The following TTPA variants were observed in gnomAD, a reference collection of about 807,000 sequenced individuals.
TTPA encodes the protein alpha tocopherol transfer protein, also known as alpha-tocopherol transfer protein.
A neutral mutation model predicts 25.9 loss-of-function variants in TTPA; 23 were observed. That is an observed-to-expected ratio of 0.89 (90% confidence interval 0.64 to 1.26). TTPA has a LOEUF of 1.26. Among genes scored for constraint, TTPA ranks in the 50% most tolerant of loss-of-function variants. The pLI is 0.00. For synonymous variants in TTPA, 148 were observed against 137.3 expected (o/e 1.08, Z -0.54); for missense variants, 337 against 353.1 (o/e 0.95, Z 0.37).
chr8:63,065,185 G>GTA (rs1427647280), intron 3 of TTPA, among the ~76,000 whole-genome samples: 2 of 152,076 alleles, frequency 1.3e-5, no homozygotes, highest in African/African-American at 4.8e-5. Context: ...CTGTCTTTGT[G>GTA]TATAGGAGAA....
At chr8:63,059,102 G>A (rs1805254546), downstream of TTPA, among the ~76,000 whole-genome samples, 1 of 127,924 alleles carries the variant, frequency 7.8e-6, no homozygotes, top group Non-Finnish European at 1.6e-5. Flanking sequence ...CGGGATCTCG[G>A]CTCACTGCAA....
In TTPA at chr8:63,085,829, G is replaced by C. The variant is rs535442955; in HGVS notation, c.193C>G (p.Leu65Val). 28 of 1,536,570 alleles carry C rather than the reference G, an allele frequency of 1.8e-5. No homozygotes were observed. Among genetic ancestry groups the C allele is most frequent in the Non-Finnish European group, 2.3e-5 (26 of 1,145,534 alleles). Residue 65 changes from leucine to valine, a missense_variant, in exon 1 of 5, where the codon CTG (leucine) becomes GTG (valine). Physicochemically the swap from Leu to Val is conservative, Grantham distance 32. Coordinates refer to ENST00000260116, the MANE Select transcript of TTPA (RefSeq NM_000370.3). The stretch of plus-strand genomic sequence containing the variant: ...GCACGCACGCTTACCCGCCAGGCCA[G>C]GTCCAGATCGAAATCCCGGGCGCGC... ...FLRARDFDLD[L>V]AWRLLKNYYK...
chr8:63,068,584 A>C (rs1220361184), intron 2 of TTPA, among the ~76,000 whole-genome samples: 1 of 152,230 alleles, frequency 6.6e-6, no homozygotes, highest in African/African-American at 2.4e-5. Context: ...GATGGTGGAC[A>C]TCACTAACAA....
chr8:63,059,498 A>G lies in TTPA; in HGVS notation c.*1754T>C, dbSNP rs1805267826. Among the ~76,000 whole-genome samples the G allele has an allele frequency of 6.6e-6, 1 of 152,178 alleles. No individual in the cohort carries two copies. Among genetic ancestry groups the G allele is most frequent in the Non-Finnish European group, 1.5e-5 (1 of 68,026 alleles). On this transcript the variant is annotated 3_prime_UTR_variant, in exon 5 of 5. Transcript: ENST00000260116. ...CCTGATTAAACTAATTTTCTTATAA[A>G]GAAAAACACCCTTCACATATCCTTA...
At chr8:63,071,350 T>C (rs1295072637) in intron 2 of TTPA, among the ~76,000 whole-genome samples, 1 of 152,224 alleles carries the variant, frequency 6.6e-6, no homozygotes. Flanking sequence ...AGGTATCTTA[T>C]CTATAAGCAG....
At chr8:63,062,816 T>C (rs1028600568) in intron 4 of TTPA, among the ~76,000 whole-genome samples, 21 of 152,208 alleles carry the variant, frequency 1.4e-4, no homozygotes, top group Admixed American at 4.6e-4. Context: ...AAAATAGAAA[T>C]AGTTATTTTT....
chr8:63,064,575 G>C (rs569096295), intron 3 of TTPA, among the ~76,000 whole-genome samples: 1 of 152,174 alleles, frequency 6.6e-6, no homozygotes. Flanking sequence ...ACTTTCACCA[G>C]AAAATTCCTT....
At chr8:63,061,525 G>C in intron 4 of TTPA, 100 bp from the exon 5 acceptor site, 1 of 1,057,164 alleles carries the variant, frequency 9.5e-7, no homozygotes, top group Non-Finnish European at 1.4e-6. Context: ...TTCTAAAATG[G>C]AGTGTATAAA....
intron 3 of TTPA, among the ~76,000 whole-genome samples, chr8:63,064,927 T>C (rs1187506251): frequency 6.6e-6 from 1 of 152,198 alleles, no homozygotes; most frequent in Non-Finnish European, 1.5e-5. Flanking sequence ...TATTATTAAT[T>C]TGGGGATTGT....
At chr8:63,069,206 A>G (rs141786219) in intron 2 of TTPA, among the ~76,000 whole-genome samples, 1 of 152,072 alleles carries the variant, frequency 6.6e-6, no homozygotes, top group Non-Finnish European at 1.5e-5. Flanking sequence ...CAGATTTCTC[A>G]TAAGAATTTG....
At chr8:63,064,453 T>C (rs1805357294) in intron 3 of TTPA, 137 bp from the exon 4 acceptor site, 1 of 648,696 alleles carries the variant, frequency 1.5e-6, no homozygotes, top group East Asian at 2.8e-5. Context: ...AAATTATTTA[T>C]TCCATCAGCA....
chr8:63,068,648 G>A (rs1014395173), intron 2 of TTPA, among the ~76,000 whole-genome samples: 3 of 152,128 alleles, frequency 2.0e-5, no homozygotes, highest in African/African-American at 7.2e-5. Flanking sequence ...AACGAATGAG[G>A]AGTTTTTGTT....
intron 1 of TTPA, among the ~76,000 whole-genome samples, chr8:63,075,863 T>C (rs536796531): frequency 2.0e-5 from 3 of 152,172 alleles, no homozygotes; most frequent in South Asian, 2.1e-4. Context: ...GGAGAATCTA[T>C]GGAATTTGGA....
intron 1 of TTPA, among the ~76,000 whole-genome samples, chr8:63,079,190 C>T (rs905110067): frequency 1.3e-5 from 2 of 152,172 alleles, no homozygotes; most frequent in South Asian, 2.1e-4. Context: ...AAGCATTAAA[C>T]ATGGAAAGGA....
At chr8:63,081,918 G>A (rs1166720179) in intron 1 of TTPA, among the ~76,000 whole-genome samples, 4 of 152,096 alleles carry the variant, frequency 2.6e-5, no homozygotes, top group South Asian at 2.1e-4. Context: ...AAAATACCTA[G>A]GAATCCAACT....
Position 63,073,078 on chromosome 8 carries a change from T to C in TTPA, c.215A>G (p.Asn72Ser), listed in dbSNP as rs1415425329. 4 of 1,609,722 alleles carry C rather than the reference T, an allele frequency of 2.5e-6. No homozygotes were observed. Among genetic ancestry groups the C allele is most frequent in the Admixed American group, 1.7e-5 (1 of 59,950 alleles). Residue 72 changes from asparagine (N) to serine (S), a missense_variant, in exon 2 of 5, where the codon AAC becomes AGC. Physicochemically the swap from Asn to Ser is conservative, Grantham distance 46 (BLOSUM62 1). Coordinates refer to ENST00000260116, the MANE Select transcript of TTPA (RefSeq NM_000370.3). ...ACATTCTGCTCTCCACTTATAATAG[T>C]TTTTTAGTAACTGAAAAATAAAATT... is the stretch of plus-strand genomic sequence containing the variant. ...DLDLAWRLLKNYYKWRAECPE... is the reference protein window; with the variant it reads ...DLDLAWRLLKSYYKWRAECPE...
chr8:63,067,050 T>TA (rs1173070342), intron 2 of TTPA, among the ~76,000 whole-genome samples: 1 of 151,680 alleles, frequency 6.6e-6, no homozygotes, highest in African/African-American at 2.4e-5. Context: ...AACCGGTCTG[T>TA]AAAAAAATTC....
chr8:63,059,078 C>G (rs895223494), downstream of TTPA, among the ~76,000 whole-genome samples: 1 of 109,966 alleles, frequency 9.1e-6, no homozygotes, highest in African/African-American at 3.7e-5. Flanking sequence ...GTCACCCAGG[C>G]TGGAGTGCAG....
At position 63,085,800 on chromosome 8, in the gene TTPA, C is replaced by G. The variant is rs1805740718; in HGVS notation, c.204+18G>C. 6.5e-7 allele frequency: 1 copy of G among 1,533,096 alleles called. No individual in the cohort carries two copies. Among genetic ancestry groups the G allele is most frequent in the Non-Finnish European group, 8.7e-7 (1 of 1,144,558 alleles). The allele number at this position is 1,533,096 out of a possible 1,614,324, so 95.0% of individuals were successfully genotyped here. On this transcript the variant is annotated intron_variant, in intron 1 of 4. Transcript: ENST00000260116. ...GGTGAGGTGCGCACTGCCGAGCGCC[C>G]TGGGCACGCACGCTTACCCGCCAGG...
Sources: allele counts gnomAD v4.1 joint callset (sites outside exome capture counted in the v4.1 genomes callset), GRCh38; gene constraint gnomAD v4.1.1; transcripts MANE v1.5; gene names NCBI Gene and HGNC (gene_info 2026-07-23, HGNC 2026-07-21).